Variants in PTPRK observed in about 807,000 individuals in gnomAD.
PTPRK encodes protein tyrosine phosphatase receptor type K.
In PTPRK, 75 loss-of-function variants were observed where a neutral mutation model predicts 178.0. The observed-to-expected ratio is 0.42, with a 90% CI of 0.35 to 0.51. PTPRK has a LOEUF of 0.51. Among genes scored for constraint, PTPRK ranks in the 20% least tolerant of loss-of-function variants. PTPRK has a pLI of 0.02. For synonymous variants in PTPRK, 637 were observed against 620.6 expected (o/e 1.03, Z -0.39); for missense variants, 1,441 against 1,797.8 (o/e 0.80, Z 3.59).
At chr6:128,357,261 A>G (rs1204312521) in intron 2 of PTPRK, among the ~76,000 whole-genome samples, 1 of 152,206 alleles carries the variant, frequency 6.6e-6, no homozygotes, top group Admixed American at 6.5e-5. Flanking sequence ...GTTTCAAGTC[A>G]GCTCACTCGG....
At chr6:128,267,238 A>AT (rs1380121307) in intron 3 of PTPRK, among the ~76,000 whole-genome samples, 1 of 151,992 alleles carries the variant, frequency 6.6e-6, no homozygotes, top group African/African-American at 2.4e-5. Context: ...AATGTAACTC[A>AT]TTTTTTCAAC....
intron 2 of PTPRK, among the ~76,000 whole-genome samples, chr6:128,353,268 T>C (rs1833443451): frequency 6.6e-6 from 1 of 152,220 alleles, no homozygotes; most frequent in Non-Finnish European, 1.5e-5. Context: ...CTGATGGGAA[T>C]GTAAAATGGT....
intron 3 of PTPRK, among the ~76,000 whole-genome samples, chr6:128,266,441 T>G (rs1278089342): frequency 6.6e-6 from 1 of 152,106 alleles, no homozygotes; most frequent in Non-Finnish European, 1.5e-5. Context: ...TGAAAAGCAC[T>G]GGATTAGGCA....
intron 3 of PTPRK, among the ~76,000 whole-genome samples, chr6:128,316,955 C>A (rs1828087427): frequency 6.6e-6 from 1 of 152,092 alleles, no homozygotes. Context: ...ATTTGGGGTA[C>A]TCTGTTTGCA....
intron 9 of PTPRK, 108 bp downstream of exon 9, chr6:128,083,607 C>T (rs571544520): frequency 1.7e-4 from 83 of 498,338 alleles, no homozygotes; most frequent in Non-Finnish European, 2.5e-4. Flanking sequence ...GATTTTAATC[C>T]CCTAATCCTC....
chr6:128,325,863 G>A (rs1324325488), intron 2 of PTPRK, among the ~76,000 whole-genome samples: 3 of 152,094 alleles, frequency 2.0e-5, no homozygotes, highest in Admixed American at 6.6e-5. Flanking sequence ...CAAAGACACA[G>A]GCACACGTAT....
chr6:128,017,791 AAT>A (rs1224413838), intron 13 of PTPRK, among the ~76,000 whole-genome samples: 7 of 77,656 alleles, frequency 9.0e-5, no homozygotes, highest in Middle Eastern at 6.8e-3. Context: ...TATATAAATA[AAT>A]ATATATGTGT....
intron 1 of PTPRK, among the ~76,000 whole-genome samples, chr6:128,510,569 G>C (rs1857022984): frequency 6.6e-6 from 1 of 152,104 alleles, no homozygotes; most frequent in Non-Finnish European, 1.5e-5. Context: ...ATTTACCACA[G>C]CTTACTTTAC....
At chr6:128,238,203 G>GA in intron 5 of PTPRK, 13 of 253,570 alleles carry the variant, frequency 5.1e-5, no homozygotes, top group East Asian at 1.7e-4. Context: ...AAAAAAAAAA[G>GA]AAAAGAAAAA....
chr6:128,443,368 G>A (rs1402823865), intron 1 of PTPRK, among the ~76,000 whole-genome samples: 1 of 151,952 alleles, frequency 6.6e-6, no homozygotes, highest in African/African-American at 2.4e-5. Flanking sequence ...AAAGTAGGAG[G>A]GAATAAGGGA....
intron 13 of PTPRK, among the ~76,000 whole-genome samples, chr6:128,020,137 T>C (rs1482549200): frequency 6.6e-6 from 1 of 152,154 alleles, no homozygotes; most frequent in African/African-American, 2.4e-5. Flanking sequence ...GGTTCACATT[T>C]ATGCCAAAGG....
At chr6:128,387,802 T>C (rs1445891295) in intron 2 of PTPRK, among the ~76,000 whole-genome samples, 1 of 152,136 alleles carries the variant, frequency 6.6e-6, no homozygotes, top group African/African-American at 2.4e-5. Flanking sequence ...ACTGCATATG[T>C]AACATATGCA....
chr6:128,205,476 G>T (rs186040863), intron 6 of PTPRK, among the ~76,000 whole-genome samples: 1 of 152,136 alleles, frequency 6.6e-6, no homozygotes, highest in African/African-American at 2.4e-5. Flanking sequence ...AAGGCCAGGC[G>T]TGGTGGCTCA....
chr6:128,435,059 A>C (rs1389002962), intron 1 of PTPRK, among the ~76,000 whole-genome samples: 1 of 82,408 alleles, frequency 1.2e-5, no homozygotes, highest in African/African-American at 9.5e-5. Context: ...GAAGGAAGGA[A>C]GGAAGGAAGG....
chr6:128,122,273 G>A (rs993513918), intron 7 of PTPRK, among the ~76,000 whole-genome samples: 4 of 152,120 alleles, frequency 2.6e-5, no homozygotes, highest in Admixed American at 6.5e-5. Context: ...GGAGGAGTTT[G>A]GGGTTATTCT....
intron 13 of PTPRK, among the ~76,000 whole-genome samples, chr6:128,047,422 T>C (rs551577164): frequency 6.6e-6 from 1 of 152,272 alleles, no homozygotes; most frequent in Admixed American, 6.5e-5. Context: ...CAACTTTAGG[T>C]TTATCAAACA....
intron 3 of PTPRK, among the ~76,000 whole-genome samples, chr6:128,257,463 A>G (rs991035859): frequency 1.3e-5 from 2 of 152,178 alleles, no homozygotes; most frequent in Non-Finnish European, 2.9e-5. Flanking sequence ...AGACCTAAAC[A>G]TGTAATAGTA....
chr6:128,497,829 T>G (rs998737150), intron 1 of PTPRK, among the ~76,000 whole-genome samples: 7 of 151,780 alleles, frequency 4.6e-5, no homozygotes, highest in African/African-American at 1.7e-4. Flanking sequence ...AACAGTAAAA[T>G]CTCATTAACT....
intron 7 of PTPRK, among the ~76,000 whole-genome samples, chr6:128,172,957 G>A (rs1249556835): frequency 6.6e-6 from 1 of 151,898 alleles, no homozygotes. Flanking sequence ...TCTGAAGGGT[G>A]CATATACAGC....
Sources: allele counts gnomAD v4.1 joint callset (sites outside exome capture counted in the v4.1 genomes callset), GRCh38; gene constraint gnomAD v4.1.1; transcripts MANE v1.5; gene names NCBI Gene and HGNC (gene_info 2026-07-23, HGNC 2026-07-21).